Variants in CLSTN1 observed in about 807,000 individuals in gnomAD.
CLSTN1 encodes calsyntenin-1.
In CLSTN1, 28 loss-of-function variants were observed where a neutral mutation model predicts 108.3. The observed-to-expected ratio is 0.26, with a 90% CI of 0.19 to 0.35. CLSTN1 has a LOEUF of 0.35. Ranked by LOEUF, CLSTN1 falls within the 10% of genes least tolerant of loss-of-function variation. The probability of loss-of-function intolerance (pLI) is 1.00; values close to 1 mark genes in which losing one functional copy is unlikely to be tolerated. For synonymous variants in CLSTN1, 524 were observed against 534.9 expected, an observed-to-expected ratio of 0.98 and a Z score of 0.28; for missense variants, 1,157 against 1,302.6, an observed-to-expected ratio of 0.89 and a Z score of 1.72.
Position 9,730,191 on chromosome 1 carries a change from G to C in CLSTN1, c.*317C>G. The C allele has an allele frequency of 2.4e-6, 1 of 410,666 alleles. No homozygotes were observed. Among genetic ancestry groups the C allele is most frequent in the Non-Finnish European group, 4.5e-6 (1 of 223,596 alleles). The allele number at this position is 410,666 out of a possible 1,614,324, so 25.4% of individuals were successfully genotyped here. A position where few individuals can be genotyped will look rare whatever the true frequency, so the allele number is the denominator to read the frequency against. Reference sequence around the variant, plus strand: ...AGCTGGCATGGCTTTTCTGGAGTGCGAGGGGCCAGTGTCCTCTCCCCGGGG... The same window carrying C: ...AGCTGGCATGGCTTTTCTGGAGTGCCAGGGGCCAGTGTCCTCTCCCCGGGG... On this transcript the variant is annotated 3_prime_UTR_variant, in exon 19 of 19. Transcript: ENST00000377298. The surrounding 1 kb of genome is among the most constrained non-coding windows in gnomAD (Gnocchi z 5.6).
chr1:9,764,063 CAAGGGGAA>C (rs1379422915), intron 2 of CLSTN1, among the ~76,000 whole-genome samples: 1 of 149,654 alleles, frequency 6.7e-6, no homozygotes, highest in Non-Finnish European at 1.5e-5. Context: ...TGCGGAAGGC[CAAGGGGAA>C]TCGTGTGTAG....
At position 9,741,221 on chromosome 1, in the gene CLSTN1, A is replaced by G. The variant is rs758690187; in HGVS notation, c.1392T>C (p.Asn464=). Residue 464 remains asparagine, a synonymous_variant, in exon 10 of 19, where the codon AAT becomes AAC. Transcript: ENST00000377298. ...AGAGAGTCACACTCGGGAATTCTACATTGAGGACGTAGTGGTGCCATTCCT... is the reference window on the plus strand; with the variant it reads ...AGAGAGTCACACTCGGGAATTCTACGTTGAGGACGTAGTGGTGCCATTCCT... The part of the protein sequence containing the change: ...CDEEWHHYVL[N]VEFPSVTLYV... The G allele has an allele frequency of 6.2e-7, 1 of 1,613,874 alleles. No homozygotes were observed. Among genetic ancestry groups the G allele is most frequent in the South Asian group, 1.1e-5 (1 of 91,080 alleles).
At chr1:9,780,874 C>A in intron 1 of CLSTN1, 1 of 282,972 alleles carries the variant, frequency 3.5e-6, no homozygotes, top group South Asian at 8.0e-5. Context: ...GGCAGCGAAT[C>A]CAAATGCGGT....
intron 2 of CLSTN1, among the ~76,000 whole-genome samples, chr1:9,759,480 C>T (rs887672683): frequency 6.6e-6 from 1 of 152,226 alleles, no homozygotes; most frequent in African/African-American, 2.4e-5. Context: ...GACGGGGTTT[C>T]ACCGCGTTAG....
At position 9,730,652 on chromosome 1, in the gene CLSTN1, C is replaced by T. The variant is rs773659525; in HGVS notation, c.2802G>A (p.Glu934=). Reference sequence around the variant, plus strand: ...CCTCTTCTTCGCCGTCCTCGCTTTCCTCTTCCTCTTCCTCTTCCTCCTCCT... The same window carrying T: ...CCTCTTCTTCGCCGTCCTCGCTTTCTTCTTCCTCTTCCTCTTCCTCCTCCT... The part of the protein sequence containing the change: ...SEEEEEEEEE[E]ESEDGEEEDD... Residue 934 remains glutamate (E), a synonymous_variant, in exon 19 of 19, where the codon GAG becomes GAA. Coordinates refer to ENST00000377298, the MANE Select transcript of CLSTN1 (RefSeq NM_001009566.3). The surrounding 1 kb of genome is among the most constrained non-coding windows in gnomAD (Gnocchi z 5.6). The T allele has an allele frequency of 3.1e-6, 5 of 1,607,404 alleles. No individual in the cohort carries two copies. The highest frequency in any genetic ancestry group is 2.2e-5 in the South Asian group (2 of 90,898).
chr1:9,797,660 C>A (rs1445146003), intron 1 of CLSTN1, among the ~76,000 whole-genome samples: 6 of 151,866 alleles, frequency 4.0e-5, no homozygotes, highest in African/African-American at 1.5e-4. Context: ...GAAGAGAAGG[C>A]TGGCTGGTGG....
In CLSTN1 at chr1:9,744,492, C is replaced by T. The variant is rs149754530; in HGVS notation, c.1137G>A (p.Ser379=). The change falls in exon 8 of 19, where the codon TCG becomes TCA. Residue 379 remains serine (S), a synonymous_variant. Transcript: ENST00000377298. ...QAVRIPDGVV[S]VSPKEPFTIS... ...TGGTGAACGGCTCTTTGGGGCTGAC[C>T]GACACGACGCCATCCGGGATCCTCA... The T allele has an allele frequency of 4.4e-4, 709 of 1,612,138 alleles. 1 individual carries two copies. The highest frequency in any genetic ancestry group is 4.7e-4 in the Non-Finnish European group (556 of 1,179,918).
chr1:9,797,956 TG>T (rs1654085125), intron 1 of CLSTN1, among the ~76,000 whole-genome samples: 1 of 151,622 alleles, frequency 6.6e-6, no homozygotes, highest in Non-Finnish European at 1.5e-5. Context: ...TAGCCAGGCG[TG>T]GGGGTACATG....
chr1:9,778,291 T>C (rs1429366454), intron 1 of CLSTN1, among the ~76,000 whole-genome samples: 7 of 150,084 alleles, frequency 4.7e-5, no homozygotes, highest in African/African-American at 1.7e-4. Flanking sequence ...GAAAGTGGCC[T>C]TTTCATTCTC....
chr1:9,773,384 G>A lies in CLSTN1; in HGVS notation c.102C>T (p.His34=), dbSNP rs757760783. 6.2e-7 allele frequency: 1 copy of A among 1,611,524 alleles called. No individual in the cohort carries two copies. The highest frequency in any genetic ancestry group is 1.1e-5 in the South Asian group (1 of 90,850). The change falls in exon 2 of 19, where the codon CAC becomes CAT. Residue 34 remains histidine, a synonymous_variant. Coordinates refer to ENST00000377298, the MANE Select transcript of CLSTN1 (RefSeq NM_001009566.3). Reference sequence around the variant, plus strand: ...GGTAGGTGGGCTCCAGCCAGGGCTTGTGCTTGTTAACTGTGTTTAAAACAA... The same window carrying A: ...GGTAGGTGGGCTCCAGCCAGGGCTTATGCTTGTTAACTGTGTTTAAAACAA... The part of the protein sequence containing the change: ...GGVWAARVNK[H]KPWLEPTYHG...
At chr1:9,747,543 C>T (rs1199437398) in intron 7 of CLSTN1, among the ~76,000 whole-genome samples, 1 of 152,014 alleles carries the variant, frequency 6.6e-6, no homozygotes, top group African/African-American at 2.4e-5. Flanking sequence ...AGCTTTGTCA[C>T]CTAGGCTGGA....
intron 4 of CLSTN1, among the ~76,000 whole-genome samples, chr1:9,752,315 TA>T (rs920515474): frequency 2.6e-5 from 4 of 151,776 alleles, no homozygotes; most frequent in African/African-American, 7.3e-5. Context: ...TGGCTACAAA[TA>T]AAAAAAACTG....
At position 9,755,283 on chromosome 1, in the gene CLSTN1, C is replaced by G. The variant is rs1365731833; in HGVS notation, c.271G>C (p.Gly91Arg). The G allele has an allele frequency of 1.2e-6, 2 of 1,612,522 alleles. No homozygotes were observed. Among genetic ancestry groups the G allele is most frequent in the Non-Finnish European group, 1.7e-6 (2 of 1,178,964 alleles). The change falls in exon 4 of 19, where the codon GGG (glycine) becomes CGG (arginine). Residue 91 changes from glycine (G) to arginine (R), a missense_variant. Gly to Arg is a moderately radical substitution (Grantham distance 125, BLOSUM62 -2). Transcript: ENST00000377298. The part of the protein sequence containing the change: ...EGEICGFKIH[G>R]QNVPFDAVVV... Reference sequence around the variant, plus strand: ...ACTGCATCAAAGGGGACATTCTGCCCGTGAATTTTAAATCCACAAATCTCA... The same window carrying G: ...ACTGCATCAAAGGGGACATTCTGCCGGTGAATTTTAAATCCACAAATCTCA...
chr1:9,795,482 A>C (rs1570502876), intron 1 of CLSTN1, among the ~76,000 whole-genome samples: 1 of 151,356 alleles, frequency 6.6e-6, no homozygotes, highest in African/African-American at 2.4e-5. Context: ...TAACATTTTT[A>C]GAGCAACAGA....
chr1:9,734,954 G>A lies in CLSTN1; in HGVS notation c.2104C>T (p.Pro702Ser). ...VEPEGDGAEDPTVQESLVSEE... is the reference protein window; with the variant it reads ...VEPEGDGAEDSTVQESLVSEE... ...GCCCCACAGAGCACATTACCTGTGG[G>A]GTCCTCAGCCCCGTCCCCTTCAGGC... Residue 702 changes from proline (P) to serine (S), a missense_variant, in exon 14 of 19, where the codon CCC (proline) becomes TCC (serine). Physicochemically the swap from Pro to Ser is moderately conservative, Grantham distance 74. Coordinates refer to ENST00000377298, the MANE Select transcript of CLSTN1 (RefSeq NM_001009566.3). The surrounding 1 kb of genome is among the most constrained non-coding windows in gnomAD (Gnocchi z 4.8). 2 of 1,613,958 alleles carry A rather than the reference G, an allele frequency of 1.2e-6. No individual in the cohort carries two copies. The highest frequency in any genetic ancestry group is 2.2e-5 in the South Asian group (2 of 91,068).
At chr1:9,758,173 A>G (rs562620779) in intron 2 of CLSTN1, among the ~76,000 whole-genome samples, 2 of 151,706 alleles carry the variant, frequency 1.3e-5, no homozygotes, top group African/African-American at 4.8e-5. Flanking sequence ...TTGTATTTTT[A>G]GTAGAGATGG....
At chr1:9,807,782 G>A (rs1489473860) in intron 1 of CLSTN1, among the ~76,000 whole-genome samples, 1 of 152,212 alleles carries the variant, frequency 6.6e-6, no homozygotes, top group South Asian at 2.1e-4. Context: ...TGGGCATGGG[G>A]GCCCCTCCTC....
At chr1:9,740,121 G>C (rs545139061) in intron 10 of CLSTN1, among the ~76,000 whole-genome samples, 5 of 151,734 alleles carry the variant, frequency 3.3e-5, no homozygotes, top group African/African-American at 9.7e-5. Context: ...CGGCCAATAG[G>C]GCATTCTTGG....
chr1:9,754,989 T>C (rs1309975222), intron 4 of CLSTN1, 125 bp downstream of exon 4: 5 of 707,234 alleles, frequency 7.1e-6, no homozygotes, highest in Middle Eastern at 7.9e-4. Context: ...TGTAGACACT[T>C]GAGAACTATC....
Sources: allele counts gnomAD v4.1 joint callset (sites outside exome capture counted in the v4.1 genomes callset), GRCh38; gene constraint gnomAD v4.1.1; non-coding constraint Gnocchi (gnomAD v3.1); transcripts MANE v1.5; gene names NCBI Gene and HGNC (gene_info 2026-07-23, HGNC 2026-07-21).